The following DYNC1I2 variants were observed in gnomAD, a reference collection of about 807,000 sequenced individuals.
DYNC1I2 encodes dynein cytoplasmic 1 intermediate chain 2.
In DYNC1I2, 53 loss-of-function variants were observed where a neutral mutation model predicts 88.6. That is an observed-to-expected ratio of 0.60 (90% CI 0.48 to 0.75). The LOEUF (loss-of-function observed/expected upper bound fraction) is 0.75, where lower values mean the gene tolerates loss of function less well. DYNC1I2 is among the 30% of genes least tolerant of loss of function. The pLI, the probability that DYNC1I2 is intolerant of heterozygous loss-of-function variation, is 0.00. For missense variants in DYNC1I2, 458 were observed against 766.6 expected, an observed-to-expected ratio of 0.60 and a Z score of 4.75; for synonymous variants, 198 against 254.6, an observed-to-expected ratio of 0.78 and a Z score of 2.12.
chr2:171,692,667 C>G (rs1685483842), intron 2 of DYNC1I2, 110 bp from the exon 3 acceptor site: 1 of 672,038 alleles, frequency 1.5e-6, no homozygotes, highest in African/African-American at 1.8e-5. Context: ...GTACTCAAAA[C>G]TAAGTTCATG....
At chr2:171,714,497 G>A (rs1463117707) in intron 6 of DYNC1I2, among the ~76,000 whole-genome samples, 1 of 152,082 alleles carries the variant, frequency 6.6e-6, no homozygotes, top group African/African-American at 2.4e-5. Flanking sequence ...TGGGAGTCTG[G>A]AAGCGTACTT....
In DYNC1I2 at chr2:171,697,108, C is replaced by T. The variant is rs1685828090; in HGVS notation, c.226+4214C>T. Among the ~76,000 whole-genome samples the T allele has an allele frequency of 2.0e-5, 3 of 152,082 alleles. No individual in the cohort carries two copies. In the South Asian group the frequency reaches 6.2e-4, roughly 32 times the overall value. ...CTCAACCTCCCAGGCTCAAGCGATC[C>T]TCTCACCTCAGCCTCCCAAGTAGCT... is the stretch of plus-strand genomic sequence containing the variant. On this transcript the variant is annotated intron_variant, in intron 3 of 17. Transcript: ENST00000397119.
At chr2:171,728,618 ATAAT>A (rs1008138584) in intron 13 of DYNC1I2, 95 bp from the exon 14 acceptor site, 218 of 1,107,588 alleles carry the variant, frequency 2.0e-4, no homozygotes, top group Admixed American at 1.2e-3. Flanking sequence ...ATTTATGTAA[ATAAT>A]AAAAGAATTG....
intron 2 of DYNC1I2, among the ~76,000 whole-genome samples, chr2:171,691,043 A>T (rs17499306): frequency 0.25 from 37,439 of 152,092 alleles, 5,763 homozygotes; most frequent in Middle Eastern, 0.38. Context: ...ATATTTTGCT[A>T]GTCTGAATTG....
chr2:171,694,093 A>G (rs1315813398), intron 3 of DYNC1I2, among the ~76,000 whole-genome samples: 3 of 149,398 alleles, frequency 2.0e-5, no homozygotes, highest in Non-Finnish European at 4.4e-5. Flanking sequence ...GCTGGAGTGC[A>G]GTGGCACAAT....
chr2:171,719,749 A>T (rs1687780100), intron 7 of DYNC1I2, among the ~76,000 whole-genome samples: 1 of 151,188 alleles, frequency 6.6e-6, no homozygotes, highest in African/African-American at 2.4e-5. Context: ...TTTCTTTTTC[A>T]CTCTTCTGGC....
intron 5 of DYNC1I2, among the ~76,000 whole-genome samples, chr2:171,709,805 C>T (rs1446320324): frequency 6.6e-6 from 1 of 152,104 alleles, no homozygotes; most frequent in African/African-American, 2.4e-5. Flanking sequence ...GCAACCTCCA[C>T]CTCCCACGTT....
chr2:171,709,104 A>G lies in DYNC1I2; in HGVS notation c.335+1727A>G, dbSNP rs190458286. ...ATGTTTCCCAAGATTAAAAATTACTATATTTATTAAATGTCTTTATTTGAT... is the reference window on the plus strand; with the variant it reads ...ATGTTTCCCAAGATTAAAAATTACTGTATTTATTAAATGTCTTTATTTGAT... On this transcript the variant is annotated intron_variant, in intron 5 of 17. Coordinates refer to ENST00000397119, the MANE Select transcript of DYNC1I2 (RefSeq NM_001378.3). Among the ~76,000 whole-genome samples, 127 of 152,206 alleles carry G rather than the reference A, an allele frequency of 8.3e-4. 2 individuals are homozygous for G. Among genetic ancestry groups the G allele is most frequent in the Admixed American group, 6.0e-3 (91 of 15,284 alleles).
At chr2:171,694,510 A>G (rs1172721782) in intron 3 of DYNC1I2, among the ~76,000 whole-genome samples, 2 of 151,870 alleles carry the variant, frequency 1.3e-5, no homozygotes, top group African/African-American at 2.4e-5. Context: ...ATACAAAATT[A>G]GGTGGGCGTG....
intron 15 of DYNC1I2, among the ~76,000 whole-genome samples, chr2:171,743,784 T>C (rs1689602937): frequency 6.6e-6 from 1 of 152,256 alleles, no homozygotes; most frequent in Non-Finnish European, 1.5e-5. Flanking sequence ...TGACAGATGT[T>C]CTTGAAGCAT....
chr2:171,742,572 T>C (rs116232414), intron 15 of DYNC1I2, among the ~76,000 whole-genome samples: 83 of 152,336 alleles, frequency 5.4e-4, no homozygotes, highest in African/African-American at 1.8e-3. Flanking sequence ...ACAATAACTT[T>C]TATGGAATCT....
At chr2:171,714,076 A>G (rs887461751) in intron 6 of DYNC1I2, among the ~76,000 whole-genome samples, 5 of 152,080 alleles carry the variant, frequency 3.3e-5, no homozygotes, top group African/African-American at 1.2e-4. Context: ...TTTACTTTTT[A>G]TATAATTTGC....
At chr2:171,711,755 G>T (rs1351462750) in intron 5 of DYNC1I2, among the ~76,000 whole-genome samples, 1 of 152,086 alleles carries the variant, frequency 6.6e-6, no homozygotes, top group East Asian at 1.9e-4. Context: ...TAGGCAGGTA[G>T]AGAAACCATT....
At chr2:171,733,624 T>G (rs925862717) in intron 15 of DYNC1I2, among the ~76,000 whole-genome samples, 1 of 151,866 alleles carries the variant, frequency 6.6e-6, no homozygotes, top group African/African-American at 2.4e-5. Flanking sequence ...CTCTTTCTAA[T>G]GGGGTTGTTT....
chr2:171,741,743 T>C lies in DYNC1I2; in HGVS notation c.1537-2306T>C, dbSNP rs181809826. Among the ~76,000 whole-genome samples, 14 of 152,344 alleles carry C rather than the reference T, an allele frequency of 9.2e-5. No homozygotes were observed. The East Asian group carries it at 2.7e-3, about 29-fold the overall frequency. ...GGCTTCTCAACTGAGAAATCATTGC[T>C]GAGTTCAAGGTCACAAAGATTTACT... On this transcript the variant is annotated intron_variant, in intron 15 of 17. Transcript: ENST00000397119.
At position 171,728,349 on chromosome 2, in the gene DYNC1I2, C is replaced by T; in HGVS notation, c.1188C>T (p.His396=). 1.2e-6 allele frequency: 2 copies of T among 1,607,320 alleles called. No individual in the cohort carries two copies. The highest frequency in any genetic ancestry group is 1.7e-6 in the Non-Finnish European group (2 of 1,177,662). Residue 396 remains histidine (H), a synonymous_variant, in exon 13 of 18, where the codon CAC becomes CAT. Coordinates refer to ENST00000397119, the MANE Select transcript of DYNC1I2 (RefSeq NM_001378.3). Reference sequence around the variant, plus strand: ...ATGTTGTTGGAACACAAAATGCTCACAATCTGATTAGCATCTCTACTGATG... The same window carrying T: ...ATGTTGTTGGAACACAAAATGCTCATAATCTGATTAGCATCTCTACTGATG... ...CVNVVGTQNA[H]NLISISTDGK...
At chr2:171,691,139 C>T (rs968333733) in intron 2 of DYNC1I2, among the ~76,000 whole-genome samples, 3 of 152,064 alleles carry the variant, frequency 2.0e-5, no homozygotes, top group Non-Finnish European at 4.4e-5. Context: ...GTTCTTATCT[C>T]TTATGAGTTA....
chr2:171,711,407 C>A (rs1687118989), intron 5 of DYNC1I2, among the ~76,000 whole-genome samples: 1 of 152,082 alleles, frequency 6.6e-6, no homozygotes, highest in South Asian at 2.1e-4. Context: ...ACAGGTATGT[C>A]CAGTGCATTT....
chr2:171,712,875 T>C, intron 6 of DYNC1I2, 49 bp downstream of exon 6: 1 of 1,459,852 alleles, frequency 6.9e-7, no homozygotes, highest in Non-Finnish European at 9.6e-7. Context: ...AATTTGATTC[T>C]TTGTGAAACT....
Sources: allele counts gnomAD v4.1 joint callset (sites outside exome capture counted in the v4.1 genomes callset), GRCh38; gene constraint gnomAD v4.1.1; transcripts MANE v1.5; gene names NCBI Gene and HGNC (gene_info 2026-07-23, HGNC 2026-07-21).